The following ETV1 variants were observed in gnomAD, a reference collection of about 807,000 sequenced individuals.
The protein encoded by ETV1 is ETS variant transcription factor 1.
In ETV1, 27 loss-of-function variants were observed where a neutral mutation model predicts 62.3. The ratio of observed to expected loss-of-function variants is 0.43; its 90% CI spans 0.32 to 0.60. The LOEUF (loss-of-function observed/expected upper bound fraction) is 0.60, where lower values mean the gene tolerates loss of function less well. ETV1 is among the 20% of genes least tolerant of loss of function. The probability of loss-of-function intolerance (pLI) is 0.06; values close to 1 mark genes in which losing one functional copy is unlikely to be tolerated. For synonymous variants in ETV1, 222 were observed against 199.6 expected, an observed-to-expected ratio of 1.11 and a Z score of -0.94; for missense variants, 605 against 605.8, an observed-to-expected ratio of 1.00 and a Z score of 0.01.
At chr7:13,989,495 G>A (rs1782863033) in intron 1 of ETV1, 31 bp from the exon 2 acceptor site, 1 of 402,216 alleles carries the variant, frequency 2.5e-6, no homozygotes, top group Non-Finnish European at 4.4e-6. Context: ...CTTTCATCAG[G>A]ATAGTTTTTG....
In ETV1 at chr7:13,893,451, T is replaced by A. The variant is rs1249415592; in HGVS notation, c.*2415A>T. ...ACACTTAATGTTGGTCAATTATGTA[T>A]TTAGTTCAGTGAGTCACTACGTTAA... On this transcript the variant is annotated 3_prime_UTR_variant, in exon 14 of 14. Coordinates refer to ENST00000430479, the MANE Select transcript of ETV1 (RefSeq NM_004956.5). The A allele has an allele frequency of 8.7e-6, 2 of 230,798 alleles. No homozygotes were observed. The highest frequency in any genetic ancestry group is 1.7e-5 in the Non-Finnish European group (2 of 116,680). The allele number at this position is 230,798 out of a possible 1,614,324, so 14.3% of individuals were successfully genotyped here. A position where few individuals can be genotyped will look rare whatever the true frequency, so the allele number is the denominator to read the frequency against.
At chr7:13,972,213 G>A (rs953458286) in intron 6 of ETV1, among the ~76,000 whole-genome samples, 1 of 152,170 alleles carries the variant, frequency 6.6e-6, no homozygotes, top group African/African-American at 2.4e-5. Flanking sequence ...GCCGACTTGA[G>A]CAGATCACTT....
chr7:13,967,042 C>T (rs1230827373), intron 6 of ETV1, among the ~76,000 whole-genome samples: 1 of 152,088 alleles, frequency 6.6e-6, no homozygotes, highest in Non-Finnish European at 1.5e-5. Flanking sequence ...TTAAACTAAA[C>T]TCTCATAGGT....
chr7:13,985,967 A>C, intron 5 of ETV1: 1 of 671,920 alleles, frequency 1.5e-6, no homozygotes, highest in East Asian at 2.8e-5. Context: ...TCCTTGCTCT[A>C]TTAAATAAAT....
intron 9 of ETV1, among the ~76,000 whole-genome samples, chr7:13,923,268 C>G (rs1453495408): frequency 2.6e-5 from 4 of 152,164 alleles, no homozygotes; most frequent in African/African-American, 9.7e-5. Flanking sequence ...ATAAACTCTG[C>G]AAGGGGAAGC....
In ETV1 at chr7:13,906,671, C is replaced by T. The variant is rs979217587; in HGVS notation, c.941-72G>A. 19 of 1,160,620 alleles carry T rather than the reference C, an allele frequency of 1.6e-5. No homozygotes were observed. The African/African-American group carries it at 2.0e-4, about 13-fold the overall frequency. The allele number at this position is 1,160,620 out of a possible 1,614,324, so 71.9% of individuals were successfully genotyped here. On this transcript the variant is annotated intron_variant, in intron 11 of 13. Coordinates refer to ENST00000430479, the MANE Select transcript of ETV1 (RefSeq NM_004956.5). ...ATCTTACATAAAATGTACATTAAATCAATCACTAATATGGTTAAACCACAA... is the reference window on the plus strand; with the variant it reads ...ATCTTACATAAAATGTACATTAAATTAATCACTAATATGGTTAAACCACAA...
chr7:13,919,446 C>A (rs1395279079), intron 9 of ETV1, among the ~76,000 whole-genome samples: 1 of 148,880 alleles, frequency 6.7e-6, no homozygotes, highest in Non-Finnish European at 1.5e-5. Context: ...TTAAATGAAT[C>A]ACAATAACAC....
At chr7:13,899,859 T>C (rs1782227081) in intron 13 of ETV1, among the ~76,000 whole-genome samples, 1 of 152,232 alleles carries the variant, frequency 6.6e-6, no homozygotes, top group Admixed American at 6.5e-5. Flanking sequence ...GCTGGGTGCA[T>C]TGGCTCATGC....
At chr7:13,955,382 A>T (rs1462263121) in intron 6 of ETV1, among the ~76,000 whole-genome samples, 1 of 152,196 alleles carries the variant, frequency 6.6e-6, no homozygotes, top group Non-Finnish European at 1.5e-5. Flanking sequence ...GGGCAGGGCC[A>T]CTTTTTTTTA....
At chr7:13,986,471 G>A in intron 5 of ETV1, 167 bp downstream of exon 5, 3 of 1,505,564 alleles carry the variant, frequency 2.0e-6, no homozygotes, top group South Asian at 1.3e-5. Flanking sequence ...CAGCCCCAGA[G>A]TCCCCAAAGA....
At chr7:13,911,497 G>C (rs1019112492) in intron 9 of ETV1, among the ~76,000 whole-genome samples, 190 bp from the exon 10 acceptor site, 3 of 152,142 alleles carry the variant, frequency 2.0e-5, no homozygotes, top group Non-Finnish European at 4.4e-5. Flanking sequence ...ATATATCTTG[G>C]TGAATGCTGA....
At position 13,895,903 on chromosome 7, in the gene ETV1, C is replaced by T. The variant is rs781723736; in HGVS notation, c.1397G>A (p.Cys466Tyr). ...GCCTTCGTTGTAGGGGTGGGGGTTG[C>T]AGCAGCCCCCTTCCGGCATGTAGGC... Reference protein sequence around the residue: ...SMAYMPEGGCCNPHPYNEGYV... With the variant: ...SMAYMPEGGCYNPHPYNEGYV... Residue 466 changes from cysteine to tyrosine, a missense_variant, in exon 14 of 14, where the codon TGC (cysteine) becomes TAC (tyrosine). Cys to Tyr is a radical substitution (Grantham distance 194, BLOSUM62 -2). This residue lies in a region of ETV1 where 79 missense variants were observed against 71.6 expected (regional missense o/e 1.10). Coordinates refer to ENST00000430479, the MANE Select transcript of ETV1 (RefSeq NM_004956.5). 3.7e-6 allele frequency: 6 copies of T among 1,613,710 alleles called. No homozygotes were observed. Among genetic ancestry groups the T allele is most frequent in the African/African-American group, 1.3e-5 (1 of 75,050 alleles).
chr7:13,906,118 C>T (rs952171542), intron 12 of ETV1: 1 of 211,590 alleles, frequency 4.7e-6, no homozygotes. Context: ...CTCCCTCCTG[C>T]CTCTTTTCTC....
At chr7:13,934,443 C>T (rs566104812) in intron 8 of ETV1, among the ~76,000 whole-genome samples, 1 of 152,288 alleles carries the variant, frequency 6.6e-6, no homozygotes, top group South Asian at 2.1e-4. Flanking sequence ...AGAAAGTTGC[C>T]AGTGGCACAT....
chr7:13,891,706 T>C lies in ETV1; in HGVS notation c.*4160A>G, dbSNP rs1485850777. ...CCAACTATTACCATCTTTTTGAAAC[T>C]TGATTTTTCCAATTCTTAGTAGAAT... On this transcript the variant is annotated 3_prime_UTR_variant, in exon 14 of 14. Transcript: ENST00000430479. 1 of 232,070 alleles carries C rather than the reference T, an allele frequency of 4.3e-6. No individual in the cohort carries two copies. The highest frequency in any genetic ancestry group is 8.5e-6 in the Non-Finnish European group (1 of 117,458). The allele number at this position is 232,070 out of a possible 1,614,324, so 14.4% of individuals were successfully genotyped here. A position where few individuals can be genotyped will look rare whatever the true frequency, so the allele number is the denominator to read the frequency against.
At chr7:13,978,890 C>G (rs992907904) in intron 5 of ETV1, among the ~76,000 whole-genome samples, 1 of 152,006 alleles carries the variant, frequency 6.6e-6, no homozygotes, top group South Asian at 2.1e-4. Context: ...TGACATTCAA[C>G]TGTTTTCTAA....
chr7:13,945,293 T>TA (rs1456250544), intron 6 of ETV1, among the ~76,000 whole-genome samples: 13 of 151,906 alleles, frequency 8.6e-5, no homozygotes, highest in Non-Finnish European at 1.5e-4. Flanking sequence ...GAGTTTTTTT[T>TA]AAAAATCCAG....
At chr7:13,979,640 T>G (rs1307660973) in intron 5 of ETV1, among the ~76,000 whole-genome samples, 10 of 152,102 alleles carry the variant, frequency 6.6e-5, no homozygotes, top group Non-Finnish European at 1.5e-4. Flanking sequence ...TCCCTCAGAA[T>G]TAACAGCTAA....
At chr7:13,911,981 G>A (rs890798433) in intron 9 of ETV1, among the ~76,000 whole-genome samples, 1 of 152,140 alleles carries the variant, frequency 6.6e-6, no homozygotes, top group Non-Finnish European at 1.5e-5. Context: ...ATTCCCAGAC[G>A]TAAGGTCCCT....
Sources: allele counts gnomAD v4.1 joint callset (sites outside exome capture counted in the v4.1 genomes callset), GRCh38; gene constraint gnomAD v4.1.1; regional missense constraint gnomAD v4.1.1; transcripts MANE v1.5; gene names NCBI Gene and HGNC (gene_info 2026-07-23, HGNC 2026-07-21).